PCDHGB3: variants seen among roughly 807,000 people sequenced by gnomAD.
PCDHGB3 encodes protocadherin gamma subfamily B, 3.
Under a neutral mutation model 59.2 loss-of-function variants are expected in PCDHGB3, and 40 were observed. That is an observed-to-expected ratio of 0.68 (90% CI 0.52 to 0.88). The LOEUF (loss-of-function observed/expected upper bound fraction) is 0.88, where lower values mean the gene tolerates loss of function less well. PCDHGB3 is among the 40% of genes least tolerant of loss of function. The pLI, the probability that PCDHGB3 is intolerant of heterozygous loss-of-function variation, is 0.00. For synonymous variants in PCDHGB3, 581 were observed against 503.6 expected, an observed-to-expected ratio of 1.15 and a Z score of -2.06; for missense variants, 1,309 against 1,187.9, an observed-to-expected ratio of 1.10 and a Z score of -1.50.
chr5:141,406,662 AT>A (rs2094837131), intron 1 of PCDHGB3, among the ~76,000 whole-genome samples: 1 of 152,208 alleles, frequency 6.6e-6, no homozygotes, highest in African/African-American at 2.4e-5. Flanking sequence ...TTAATGTTAA[AT>A]TATGGAGAAT....
At position 141,370,484 on chromosome 5, in the gene PCDHGB3, C is replaced by G. The variant is rs750551260; in HGVS notation, c.90C>G (p.Ser30=). Residue 30 remains serine, a synonymous_variant, in exon 1 of 4, where the codon TCC becomes TCG. Transcript: ENST00000576222. ...FLLSLLDQAL[S]EPIRYAIPEE... The stretch of plus-strand genomic sequence containing the variant: ...TCTCTTTGTTAGACCAGGCTCTCTC[C>G]GAACCGATCCGCTACGCTATTCCCG... The G allele has an allele frequency of 6.2e-7, 1 of 1,613,866 alleles. No homozygotes were observed. The highest frequency in any genetic ancestry group is 1.3e-5 in the African/African-American group (1 of 75,044).
intron 1 of PCDHGB3, among the ~76,000 whole-genome samples, chr5:141,405,770 G>C (rs989163026): frequency 1.3e-5 from 2 of 152,032 alleles, no homozygotes; most frequent in East Asian, 3.9e-4. Context: ...GAGCCACTGC[G>C]CCTGGCCCTT....
intron 1 of PCDHGB3, chr5:141,396,643 A>C (rs1271446592): frequency 6.6e-6 from 1 of 152,180 alleles, no homozygotes; most frequent in Admixed American, 6.5e-5. Context: ...ACTAATATTA[A>C]TAGTAAAAAC....
chr5:141,413,111 AG>A lies in PCDHGB3; in HGVS notation c.2415+40304del, dbSNP rs962952666. ...ACACCCTGAAGCCACAGAAAGACAA[AG>A]GAACCGGTTGAAACACACAACGTGT... On this transcript the variant is annotated intron_variant, in intron 1 of 3. Transcript: ENST00000576222. 4.7e-6 allele frequency: 7 copies of A among 1,499,852 alleles called. No individual in the cohort carries two copies. In the African/African-American group the frequency reaches 8.4e-5, roughly 18 times the overall value. 92.9% of individuals were successfully genotyped at this position (1,499,852 alleles called of 1,614,324 possible). A position where few individuals can be genotyped will look rare whatever the true frequency, so the allele number is the denominator to read the frequency against.
chr5:141,491,763 T>C lies in PCDHGB3; in HGVS notation c.2416-3044T>C. 1 of 1,570,222 alleles carries C rather than the reference T, an allele frequency of 6.4e-7. No homozygotes were observed. Among genetic ancestry groups the C allele is most frequent in the Non-Finnish European group, 8.6e-7 (1 of 1,159,286 alleles). Reference sequence around the variant, plus strand: ...GCGGCACTGGAGAAGCCGCCCGTCCTCATAAGGGATTGAACTTGCATCCAC... The same window carrying C: ...GCGGCACTGGAGAAGCCGCCCGTCCCCATAAGGGATTGAACTTGCATCCAC... On this transcript the variant is annotated intron_variant, in intron 1 of 3. Coordinates refer to ENST00000576222, the MANE Select transcript of PCDHGB3 (RefSeq NM_018924.5). The surrounding 1 kb of genome is among the most constrained non-coding windows in gnomAD (Gnocchi z 6.9).
rs1001555249 is a variant in PCDHGB3, at chr5:141,486,728, G to A, written c.2416-8079G>A. The A allele has an allele frequency of 1.2e-6, 2 of 1,614,200 alleles. No homozygotes were observed. The highest frequency in any genetic ancestry group is 1.7e-6 in the Non-Finnish European group (2 of 1,180,052). On this transcript the variant is annotated intron_variant, in intron 1 of 3. Transcript: ENST00000576222. This position sits in a 1 kb window ranked among gnomAD's most constrained non-coding sequence, Gnocchi z 5.0. Reference sequence around the variant, plus strand: ...GAACCCCCAGACAGGAGCTGTTCATGCTACTCGATCCTTTGACTATGAGCA... The same window carrying A: ...GAACCCCCAGACAGGAGCTGTTCATACTACTCGATCCTTTGACTATGAGCA...
At chr5:141,474,345 G>A (rs541613646) in intron 1 of PCDHGB3, among the ~76,000 whole-genome samples, 7 of 152,124 alleles carry the variant, frequency 4.6e-5, no homozygotes, top group African/African-American at 7.2e-5. Flanking sequence ...TTGTTAAAAT[G>A]TAAGTCATGT....
intron 1 of PCDHGB3, chr5:141,418,385 G>T: frequency 6.2e-7 from 1 of 1,613,930 alleles, no homozygotes; most frequent in Non-Finnish European, 8.5e-7. Context: ...AAGTCCTAAC[G>T]AGTATTTCTC....
chr5:141,479,845 A>T (rs895639749), intron 1 of PCDHGB3, among the ~76,000 whole-genome samples: 4 of 152,210 alleles, frequency 2.6e-5, no homozygotes, highest in Admixed American at 1.3e-4. Flanking sequence ...ATGCAAGGTG[A>T]CTGCAAGGCC....
chr5:141,482,923 AT>A (rs1193255251), intron 1 of PCDHGB3, among the ~76,000 whole-genome samples: 10 of 152,074 alleles, frequency 6.6e-5, no homozygotes, highest in Non-Finnish European at 1.5e-4. Context: ...AATACAAAAA[AT>A]TAGCCAGGTG....
intron 1 of PCDHGB3, chr5:141,377,844 A>G (rs911815564): frequency 2.0e-5 from 3 of 152,180 alleles, no homozygotes; most frequent in South Asian, 2.1e-4. Context: ...TTATCTTCCA[A>G]TTAAAATTAA....
intron 1 of PCDHGB3, chr5:141,413,820 C>G (rs967941133): frequency 5.6e-6 from 9 of 1,613,086 alleles, no homozygotes; most frequent in South Asian, 1.1e-5. Flanking sequence ...ACCACCTGGT[C>G]CTCACCGCCT....
chr5:141,478,381 C>T (rs931860600), intron 1 of PCDHGB3: 22 of 1,613,664 alleles, frequency 1.4e-5, no homozygotes, highest in Non-Finnish European at 1.8e-5. Flanking sequence ...TGTCGCCGCA[C>T]CTTTACCATC....
At chr5:141,478,711 T>G (rs1420376406) in intron 1 of PCDHGB3, 1 of 1,547,346 alleles carries the variant, frequency 6.5e-7, no homozygotes. Context: ...CTTTGTGAGA[T>G]GGTGGCCTGC....
At chr5:141,373,905 A>G (rs947607007) in intron 1 of PCDHGB3, 1 of 603,766 alleles carries the variant, frequency 1.7e-6, no homozygotes, top group Non-Finnish European at 2.7e-6. Context: ...TACATCCTCC[A>G]ACAACAAAGC....
Position 141,477,464 on chromosome 5 carries a change from A to G in PCDHGB3, c.2416-17343A>G. The G allele has an allele frequency of 1.2e-6, 2 of 1,614,188 alleles. No homozygotes were observed. The highest frequency in any genetic ancestry group is 1.7e-6 in the Non-Finnish European group (2 of 1,180,034). On this transcript the variant is annotated intron_variant, in intron 1 of 3. Coordinates refer to ENST00000576222, the MANE Select transcript of PCDHGB3 (RefSeq NM_018924.5). This position sits in a 1 kb window ranked among gnomAD's most constrained non-coding sequence, Gnocchi z 4.9. ...AATAGTGCGTGTTCAAGTGTCCGAC[A>G]TCAATGACAACCCTCCACAATCTTC...
intron 1 of PCDHGB3, among the ~76,000 whole-genome samples, chr5:141,450,485 TTGTC>T (rs1466269978): frequency 1.3e-5 from 2 of 152,158 alleles, no homozygotes; most frequent in African/African-American, 2.4e-5. Flanking sequence ...GTTTGTTTGT[TTGTC>T]TGTTTGTTTG....
chr5:141,389,618 C>T (rs1224398489), intron 1 of PCDHGB3: 46 of 1,612,930 alleles, frequency 2.9e-5, no homozygotes, highest in Middle Eastern at 1.7e-4. Flanking sequence ...TGGTGCCGCA[C>T]GCTGCAGAGC....
intron 1 of PCDHGB3, chr5:141,383,896 G>A: frequency 6.2e-7 from 1 of 1,613,960 alleles, no homozygotes; most frequent in Non-Finnish European, 8.5e-7. Flanking sequence ...AAAGGCAAAA[G>A]TACTGATCAC....
Sources: gnomAD v4.1 joint callset for allele counts (sites outside exome capture counted in the v4.1 genomes callset) on GRCh38, gnomAD v4.1.1 for gene constraint, Gnocchi (gnomAD v3.1) non-coding constraint, MANE v1.5 for transcripts, NCBI Gene and HGNC (gene_info 2026-07-23, HGNC 2026-07-21) for gene names.